The following ABCD3 variants were observed in gnomAD, a reference collection of about 807,000 sequenced individuals.
The protein encoded by ABCD3 is ATP binding cassette subfamily D member 3, also known as ATP-binding cassette sub-family D member 3.
ABCD3 carries 41 observed loss-of-function variants against 105.5 expected under a neutral mutation model. The observed-to-expected ratio is 0.39, with a 90% CI of 0.30 to 0.50. The LOEUF is 0.50. Ranked by LOEUF, ABCD3 falls within the 20% of genes least tolerant of loss-of-function variation. ABCD3 has a pLI of 0.84. For synonymous variants in ABCD3, 258 were observed against 269.0 expected (o/e 0.96, Z 0.40); for missense variants, 622 against 806.3 (o/e 0.77, Z 2.77).
intron 16 of ABCD3, among the ~76,000 whole-genome samples, chr1:94,495,172 C>T (rs968654523): frequency 5.9e-5 from 9 of 152,130 alleles, no homozygotes; most frequent in East Asian, 1.9e-4. Context: ...TCTTCATAAA[C>T]ACCATACTTT....
chr1:94,428,082 T>G (rs1344321121), intron 1 of ABCD3, among the ~76,000 whole-genome samples: 40 of 151,986 alleles, frequency 2.6e-4, no homozygotes, highest in Non-Finnish European at 4.4e-4. Flanking sequence ...TTGTTTTTTT[T>G]TTTATTTTTT....
chr1:94,394,996 C>G, the ABCD3 span, among the ~76,000 whole-genome samples: 1 of 152,172 alleles, frequency 6.6e-6, no homozygotes, highest in Non-Finnish European at 1.5e-5. Flanking sequence ...GCATTCAGTG[C>G]CTTACATTTG....
intron 1 of ABCD3, among the ~76,000 whole-genome samples, chr1:94,427,120 C>G (rs942526290): frequency 1.4e-4 from 22 of 152,226 alleles, no homozygotes; most frequent in African/African-American, 5.1e-4. Flanking sequence ...TCACACATTT[C>G]CTTCTGGTAG....
the ABCD3 span, among the ~76,000 whole-genome samples, chr1:94,390,119 G>T: frequency 6.6e-6 from 1 of 152,046 alleles, no homozygotes; most frequent in Non-Finnish European, 1.5e-5. Context: ...AGTGCCAAAG[G>T]CAGTCTTGTT....
intron 1 of ABCD3, among the ~76,000 whole-genome samples, chr1:94,419,725 C>T (rs1659182441): frequency 6.6e-6 from 1 of 152,126 alleles, no homozygotes; most frequent in Admixed American, 6.5e-5. Context: ...TAAGTTCTTT[C>T]TAGCCGCCTT....
At chr1:94,388,781 G>A in the ABCD3 span, among the ~76,000 whole-genome samples, 1 of 152,140 alleles carries the variant, frequency 6.6e-6, no homozygotes. Context: ...TATTTAAGAA[G>A]TATTCTAAGG....
chr1:94,406,340 G>GTTTTTTTT, the ABCD3 span: 3 of 142,546 alleles, frequency 2.1e-5, no homozygotes, highest in African/African-American at 5.8e-5. Context: ...ATTTTGTTTT[G>GTTTTTTTT]TTTTTTTTTT....
intron 5 of ABCD3, among the ~76,000 whole-genome samples, 188 bp from the exon 6 acceptor site, chr1:94,474,955 A>G (rs113623858): frequency 4.6e-5 from 7 of 152,176 alleles, no homozygotes; most frequent in African/African-American, 1.7e-4. Context: ...TTTAACATAG[A>G]ATAATTCAAA....
At chr1:94,505,727 G>C (rs2101053838) in intron 20 of ABCD3, among the ~76,000 whole-genome samples, 1 of 152,176 alleles carries the variant, frequency 6.6e-6, no homozygotes, top group South Asian at 2.1e-4. Flanking sequence ...GCTGAGAAAG[G>C]ATCCTCAGAA....
At chr1:94,483,338 C>A in intron 10 of ABCD3, 99 bp downstream of exon 10, 1 of 855,822 alleles carries the variant, frequency 1.2e-6, no homozygotes, top group Non-Finnish European at 2.0e-6. Flanking sequence ...CACACAAACA[C>A]ACACGTATGT....
the ABCD3 span, among the ~76,000 whole-genome samples, chr1:94,400,423 A>G: frequency 4.6e-5 from 7 of 151,940 alleles, no homozygotes; most frequent in Admixed American, 3.9e-4. Context: ...AAAAAGAAAG[A>G]AAAAGGAAAG....
intron 1 of ABCD3, among the ~76,000 whole-genome samples, chr1:94,431,464 A>T (rs531280036): frequency 7.9e-5 from 12 of 152,340 alleles, no homozygotes; most frequent in African/African-American, 2.6e-4. Flanking sequence ...AAACTCATAG[A>T]CTATTGAAAG....
intron 1 of ABCD3, among the ~76,000 whole-genome samples, chr1:94,441,165 T>A (rs1051524722): frequency 6.6e-6 from 1 of 152,184 alleles, no homozygotes; most frequent in Non-Finnish European, 1.5e-5. Context: ...AAACCCACCA[T>A]AACAAAAGAC....
Position 94,498,926 on chromosome 1 carries a change from T to C in ABCD3, c.1531-19T>C, listed in dbSNP as rs1358759581. 1 of 1,612,326 alleles carries C rather than the reference T, an allele frequency of 6.2e-7. No individual in the cohort carries two copies. The highest frequency in any genetic ancestry group is 8.5e-7 in the Non-Finnish European group (1 of 1,178,538). On this transcript the variant is annotated intron_variant, in intron 18 of 22. Transcript: ENST00000370214. ...TTTTTCATGTTGCTTCTAATTGACT[T>C]TTGCTCTACTACTGTCAGAGACCTT...
intron 1 of ABCD3, among the ~76,000 whole-genome samples, chr1:94,431,884 G>A (rs191550762): frequency 7.2e-4 from 109 of 152,242 alleles, no homozygotes; most frequent in East Asian, 3.1e-3. Context: ...TGTAGGACTC[G>A]TGACTTTTTA....
intron 20 of ABCD3, 57 bp downstream of exon 20, chr1:94,499,671 A>G: frequency 6.2e-7 from 1 of 1,601,818 alleles, no homozygotes; most frequent in Non-Finnish European, 8.5e-7. Context: ...CATTTTGATT[A>G]ATCAGGACAC....
At chr1:94,385,415 G>A in the ABCD3 span, among the ~76,000 whole-genome samples, 3 of 152,134 alleles carry the variant, frequency 2.0e-5, no homozygotes, top group African/African-American at 7.2e-5. Context: ...GAAAAAAGAG[G>A]GAGAGCAAAA....
At chr1:94,459,982 C>T (rs1647789328) in intron 2 of ABCD3, among the ~76,000 whole-genome samples, 1 of 152,012 alleles carries the variant, frequency 6.6e-6, no homozygotes, top group African/African-American at 2.4e-5. Flanking sequence ...ATGCATATAC[C>T]ACATTATGTT....
At position 94,436,344 on chromosome 1, in the gene ABCD3, G is replaced by A. The variant is rs561224778; in HGVS notation, c.110+17756G>A. ...GTTGATGGTCAAATTAGAGTATCAC[G>A]GAAATATTCAGTTGCGTTATCCCAC... is the stretch of plus-strand genomic sequence containing the variant. On this transcript the variant is annotated intron_variant, in intron 1 of 22. Coordinates refer to ENST00000370214, the MANE Select transcript of ABCD3 (RefSeq NM_002858.4). Among the ~76,000 whole-genome samples the A allele has an allele frequency of 2.6e-5, 4 of 152,224 alleles. No individual in the cohort carries two copies. In the East Asian group the frequency reaches 5.8e-4, roughly 22 times the overall value.
Sources: allele counts gnomAD v4.1 joint callset (sites outside exome capture counted in the v4.1 genomes callset), GRCh38; gene constraint gnomAD v4.1.1; transcripts MANE v1.5; gene names NCBI Gene and HGNC (gene_info 2026-07-23, HGNC 2026-07-21).